The following KCTD1 variants were observed in gnomAD, a reference collection of about 807,000 sequenced individuals.
The protein encoded by KCTD1 is potassium channel tetramerization domain containing 1.
Under a neutral mutation model 66.0 loss-of-function variants are expected in KCTD1, and 24 were observed. The ratio of observed to expected loss-of-function variants is 0.36; its 90% confidence interval spans 0.26 to 0.51. The LOEUF is 0.51. Among genes scored for constraint, KCTD1 ranks in the 20% least tolerant of loss-of-function variants. The pLI, the probability that KCTD1 is intolerant of heterozygous loss-of-function variation, is 0.95. For missense variants in KCTD1, 943 were observed against 1,205.2 expected, an observed-to-expected ratio of 0.78 and a Z score of 3.22; for synonymous variants, 511 against 517.2, an observed-to-expected ratio of 0.99 and a Z score of 0.16.
At chr18:26,653,171 C>T (rs1177212650) in intron 1 of KCTD1, among the ~76,000 whole-genome samples, 1 of 152,188 alleles carries the variant, frequency 6.6e-6, no homozygotes, top group Non-Finnish European at 1.5e-5. Flanking sequence ...TACTGCTGCC[C>T]CTCTCCCAAT....
At chr18:26,598,674 T>C (rs1049943598) in intron 1 of KCTD1, among the ~76,000 whole-genome samples, 2 of 152,246 alleles carry the variant, frequency 1.3e-5, no homozygotes, top group African/African-American at 4.8e-5. Context: ...GTCTGTGTTT[T>C]AAATTATATA....
upstream of KCTD1, among the ~76,000 whole-genome samples, chr18:26,630,385 G>A (rs1007924406): frequency 2.4e-4 from 37 of 152,058 alleles, no homozygotes; most frequent in African/African-American, 8.9e-4. Context: ...GCACAATGAC[G>A]GCTCACTGCA....
intron 1 of KCTD1, among the ~76,000 whole-genome samples, chr18:26,651,621 TAAGAA>T (rs1286527174): frequency 6.6e-6 from 1 of 151,606 alleles, no homozygotes; most frequent in African/African-American, 2.4e-5. Flanking sequence ...CCACCTCTAC[TAAGAA>T]TAGAAAAATT....
At chr18:26,626,149 T>C (rs1376238674) in intron 1 of KCTD1, among the ~76,000 whole-genome samples, 1 of 144,372 alleles carries the variant, frequency 6.9e-6, no homozygotes, top group Non-Finnish European at 1.5e-5. Context: ...TACAGTTTCA[T>C]GAGCCAAAAA....
chr18:26,564,782 G>A (rs899284113), intron 1 of KCTD1, among the ~76,000 whole-genome samples: 3 of 151,944 alleles, frequency 2.0e-5, no homozygotes, highest in South Asian at 2.1e-4. Context: ...CCAGCTATTC[G>A]GGAGGCCGAG....
chr18:26,515,435 A>G (rs1396086955), intron 1 of KCTD1, among the ~76,000 whole-genome samples: 1 of 152,090 alleles, frequency 6.6e-6, no homozygotes, highest in African/African-American at 2.4e-5. Flanking sequence ...ACATCCTCCT[A>G]TCTTAGATGT....
upstream of KCTD1, among the ~76,000 whole-genome samples, chr18:26,552,366 C>G (rs1242949486): frequency 6.6e-6 from 1 of 152,202 alleles, no homozygotes; most frequent in African/African-American, 2.4e-5. Context: ...TTCCTCTCTA[C>G]TAAAGCAACA....
intron 1 of KCTD1, among the ~76,000 whole-genome samples, chr18:26,601,340 A>AAAAG (rs2144970669): frequency 6.6e-6 from 1 of 151,420 alleles, no homozygotes; most frequent in South Asian, 2.1e-4. Flanking sequence ...AAAAAAAAAA[A>AAAAG]AAAAAAAAAG....
intron 1 of KCTD1, among the ~76,000 whole-genome samples, chr18:26,649,515 G>T (rs980171981): frequency 7.9e-5 from 12 of 151,942 alleles, no homozygotes; most frequent in Non-Finnish European, 2.9e-5. Context: ...TTGTTTTTTT[G>T]TGTGTTTTTT....
chr18:26,550,440 G>T (rs1409229903), upstream of KCTD1, among the ~76,000 whole-genome samples: 1 of 151,964 alleles, frequency 6.6e-6, no homozygotes, highest in Non-Finnish European at 1.5e-5. This position sits in a 1 kb window ranked among gnomAD's most constrained non-coding sequence, Gnocchi z 5.4. Context: ...CTGGTCCTCC[G>T]CGTGCCTGCC....
chr18:26,657,271 C>G, intron 1 of KCTD1: 2 of 937,690 alleles, frequency 2.1e-6, no homozygotes, highest in Non-Finnish European at 2.5e-6. Flanking sequence ...CGCCCCATGC[C>G]TGGCACATGC....
chr18:26,472,959 G>C (rs983129420), intron 3 of KCTD1, among the ~76,000 whole-genome samples: 3 of 152,228 alleles, frequency 2.0e-5, no homozygotes, highest in African/African-American at 7.2e-5. Context: ...TCATGTCTGA[G>C]AGTGTGTGAC....
intron 1 of KCTD1, among the ~76,000 whole-genome samples, chr18:26,533,190 C>T (rs1471896468): frequency 1.3e-5 from 2 of 152,166 alleles, no homozygotes; most frequent in African/African-American, 2.4e-5. Flanking sequence ...TATGTAGTAG[C>T]CCTCTTACCA....
At chr18:26,553,312 A>C (rs1461947362), upstream of KCTD1, among the ~76,000 whole-genome samples, 1 of 152,208 alleles carries the variant, frequency 6.6e-6, no homozygotes, top group Non-Finnish European at 1.5e-5. Flanking sequence ...TTTTGAACTC[A>C]GATGAAAATT....
chr18:26,590,882 T>A (rs1333648830), intron 1 of KCTD1, among the ~76,000 whole-genome samples: 2 of 152,106 alleles, frequency 1.3e-5, no homozygotes, highest in Non-Finnish European at 2.9e-5. Flanking sequence ...AACTAATAAT[T>A]TTTTTCTAAA....
At chr18:26,511,320 A>C (rs1983317346) in intron 1 of KCTD1, among the ~76,000 whole-genome samples, 1 of 152,228 alleles carries the variant, frequency 6.6e-6, no homozygotes, top group African/African-American at 2.4e-5. Flanking sequence ...AGACGATTTC[A>C]TTTGATCCTG....
At chr18:26,636,715 C>T (rs1275497461) in intron 1 of KCTD1, among the ~76,000 whole-genome samples, 1 of 152,182 alleles carries the variant, frequency 6.6e-6, no homozygotes, top group Non-Finnish European at 1.5e-5. Flanking sequence ...TGTCTGGACA[C>T]CTCTTCCAGG....
Position 26,603,571 on chromosome 18 carries a change from C to T in KCTD1, c.-16+25576G>A, listed in dbSNP as rs138537977. Among the ~76,000 whole-genome samples the T allele has an allele frequency of 7.2e-4, 109 of 151,908 alleles. 1 individual carries two copies. The highest frequency in any genetic ancestry group is 2.3e-3 in the African/African-American group (97 of 41,472). On this transcript the variant is annotated intron_variant, in intron 1 of 4. Coordinates refer to the KCTD1 transcript ENST00000317932. ...GCCTGGCCAATATATGATGAAACCC[C>T]GCCTCAACTAAAAATACAAAAATTA...
intron 1 of KCTD1, among the ~76,000 whole-genome samples, chr18:26,613,702 T>C (rs969945352): frequency 5.9e-5 from 9 of 152,242 alleles, no homozygotes; most frequent in African/African-American, 1.9e-4. Flanking sequence ...GTATATCATT[T>C]ACAAAGCAAG....
Sources: allele counts gnomAD v4.1 joint callset (sites outside exome capture counted in the v4.1 genomes callset), GRCh38; gene constraint gnomAD v4.1.1; non-coding constraint Gnocchi (gnomAD v3.1); transcripts MANE v1.5; gene names NCBI Gene and HGNC (gene_info 2026-07-23, HGNC 2026-07-21).